MADD: variants seen among roughly 807,000 people sequenced by gnomAD.
MADD encodes MAP kinase activating death domain.
In MADD, 109 loss-of-function variants were observed where a neutral mutation model predicts 176.7. The observed-to-expected ratio is 0.62, with a 90% CI of 0.53 to 0.72. The LOEUF is 0.72. MADD is among the 30% of genes least tolerant of loss of function. The pLI is 0.00. For missense variants in MADD, 1,914 were observed against 2,045.5 expected (o/e 0.94, Z 1.24); for synonymous variants, 771 against 771.3 (o/e 1.00, Z 0.01).
chr11:47,295,512 C>CT lies in MADD; in HGVS notation c.3420dup (p.Val1141CysfsTer18). On this transcript the variant is annotated frameshift_variant, in exon 21 of 33. Transcript: ENST00000402192. LOFTEE classifies it high-confidence loss of function. ...TTGTTTCAGAGGACTGATCAAGACTCTGTCATCGGCGTGAGTCCAGCTGTT... is the reference window on the plus strand; with the variant it reads ...TTGTTTCAGAGGACTGATCAAGACTCTTGTCATCGGCGTGAGTCCAGCTGTT... 1 of 1,614,062 alleles carries CT rather than the reference C, an allele frequency of 6.2e-7. No individual in the cohort carries two copies. Among genetic ancestry groups the CT allele is most frequent in the South Asian group, 1.1e-5 (1 of 91,064 alleles).
At position 47,323,412 on chromosome 11, in the gene MADD, G is replaced by A. The variant is rs2094876265; in HGVS notation, c.4198-259G>A. Among the ~76,000 whole-genome samples the A allele has an allele frequency of 2.7e-5, 4 of 150,890 alleles. 1 individual carries two copies. In the South Asian group the frequency reaches 6.3e-4, roughly 24 times the overall value. On this transcript the variant is annotated intron_variant, in intron 27 of 32. Transcript: ENST00000402192. ...GACCCTGTCTCAAAAAAAAAAAAAA[G>A]AGGTAATAAATAACTGATTGATTTG...
At chr11:47,284,645 A>G in intron 12 of MADD, 80 bp downstream of exon 12, 2 of 1,503,960 alleles carry the variant, frequency 1.3e-6, no homozygotes, top group Non-Finnish European at 1.8e-6. Context: ...GGCTGTAGCT[A>G]TTCATTTGCT....
chr11:47,311,087 G>A (rs1421145573), intron 25 of MADD, among the ~76,000 whole-genome samples: 1 of 152,170 alleles, frequency 6.6e-6, no homozygotes, highest in Non-Finnish European at 1.5e-5. Context: ...AAGTAGAAGA[G>A]TTCTGCTCTG....
In MADD at chr11:47,285,709, C is replaced by T. The variant is rs1022637759; in HGVS notation, c.2551+119C>T. The T allele has an allele frequency of 2.5e-5, 34 of 1,384,424 alleles. 1 individual carries two copies. The South Asian group carries it at 3.7e-4, about 15-fold the overall frequency. The allele number at this position is 1,384,424 out of a possible 1,614,324, so 85.8% of individuals were successfully genotyped here. ...AGGGCTAGGTTGGCATTAGCAAGCC[C>T]TAATCCAGTCATTTGGGTGATACTG... On this transcript the variant is annotated intron_variant, in intron 14 of 32. Transcript: ENST00000402192.
intron 6 of MADD, among the ~76,000 whole-genome samples, chr11:47,278,556 G>T (rs1025887998): frequency 6.6e-6 from 1 of 152,116 alleles, no homozygotes; most frequent in Admixed American, 6.5e-5. Flanking sequence ...GTTGTGATCT[G>T]AGGGCCATTA....
intron 15 of MADD, 115 bp from the exon 16 acceptor site, chr11:47,288,853 G>A: frequency 1.3e-6 from 1 of 798,688 alleles, no homozygotes; most frequent in Non-Finnish European, 2.1e-6. Context: ...CCAAGGTTAT[G>A]TGCATTCCTC....
At chr11:47,322,156 AT>A (rs1283584496) in intron 27 of MADD, among the ~76,000 whole-genome samples, 2 of 152,158 alleles carry the variant, frequency 1.3e-5, no homozygotes, top group Admixed American at 1.3e-4. Context: ...TACTGTTACT[AT>A]CCCCATCTTA....
At chr11:47,328,929 G>T in intron 32 of MADD, 117 bp from the exon 37 acceptor site, 1 of 1,032,178 alleles carries the variant, frequency 9.7e-7, no homozygotes, top group Admixed American at 1.8e-5. Flanking sequence ...TGGAGCTCAC[G>T]TTTAGCCCAG....
At chr11:47,305,366 G>A (rs1049607373) in intron 22 of MADD, among the ~76,000 whole-genome samples, 2 of 152,124 alleles carry the variant, frequency 1.3e-5, no homozygotes, top group African/African-American at 2.4e-5. Context: ...ACAGAGCCAG[G>A]ATCTGAGGCA....
chr11:47,280,011 A>T (rs2054887692), intron 7 of MADD, among the ~76,000 whole-genome samples: 1 of 152,180 alleles, frequency 6.6e-6, no homozygotes, highest in African/African-American at 2.4e-5. Context: ...CAGAGGTTGC[A>T]GTGAGCCAAG....
Position 47,276,213 on chromosome 11 carries a change from A to G in MADD, c.963+11A>G. On this transcript the variant is annotated intron_variant, in intron 4 of 32. Transcript: ENST00000402192. The stretch of plus-strand genomic sequence containing the variant: ...CTGTTAGAGCACAAGGTGAGAGGCA[A>G]GCTTCCTAGACCTTTCTAGGGGAGA... The G allele has an allele frequency of 6.3e-7, 1 of 1,595,898 alleles. No homozygotes were observed. Among genetic ancestry groups the G allele is most frequent in the Non-Finnish European group, 8.6e-7 (1 of 1,168,374 alleles).
intron 22 of MADD, among the ~76,000 whole-genome samples, chr11:47,304,044 C>T (rs1469496910): frequency 1.3e-5 from 2 of 152,120 alleles, no homozygotes; most frequent in East Asian, 1.9e-4. Flanking sequence ...TTCCCCTTCT[C>T]TCTTTGGAAA....
At chr11:47,290,724 A>C in exon 19 of MADD, 2 of 1,614,160 alleles carry the variant, frequency 1.2e-6, no homozygotes, top group Non-Finnish European at 1.7e-6. Flanking sequence ...AGAGTTCCAC[A>C]ACTGGGACCT....
Position 47,324,916 on chromosome 11 carries a change from A to G in MADD, c.4542+339A>G, listed in dbSNP as rs1423134619. On this transcript the variant is annotated intron_variant, in intron 30 of 32. Coordinates refer to ENST00000402192, the Ensembl canonical transcript of MADD. ...AGTGTCTCTGCCTTCCTCTATTCCCAGGATATGCTTCTGCTTGGTGGTTTT... is the reference window on the plus strand; with the variant it reads ...AGTGTCTCTGCCTTCCTCTATTCCCGGGATATGCTTCTGCTTGGTGGTTTT... 4 of 600,056 alleles carry G rather than the reference A, an allele frequency of 6.7e-6. No individual in the cohort carries two copies. The East Asian group carries it at 8.3e-5, about 12-fold the overall frequency. The allele number at this position is 600,056 out of a possible 1,614,324, so 37.2% of individuals were successfully genotyped here. A position where few individuals can be genotyped will look rare whatever the true frequency, so the allele number is the denominator to read the frequency against.
chr11:47,326,256 T>C (rs2095449674), intron 30 of MADD, among the ~76,000 whole-genome samples: 1 of 152,242 alleles, frequency 6.6e-6, no homozygotes, highest in African/African-American at 2.4e-5. Flanking sequence ...ACATACCTCT[T>C]GGGAGATCCT....
intron 13 of MADD, 54 bp from the exon 14 acceptor site, chr11:47,285,397 T>C: frequency 1.2e-6 from 2 of 1,610,160 alleles, no homozygotes; most frequent in South Asian, 2.2e-5. Context: ...TGGCCCATAC[T>C]CCCAAGATCA....
At position 47,324,086 on chromosome 11, in the gene MADD, A is replaced by G. The variant is rs1345768852; in HGVS notation, c.4363-179A>G. ...TGCCTTCTTTAAAGCCATACTATTC[A>G]TATGCTCCGGATCTATCATTCATAA... On this transcript the variant is annotated intron_variant, in intron 28 of 32. Transcript: ENST00000402192. 10 of 652,604 alleles carry G rather than the reference A, an allele frequency of 1.5e-5. No homozygotes were observed. The Admixed American group carries it at 2.0e-4, about 13-fold the overall frequency. 40.4% of individuals were successfully genotyped at this position (652,604 alleles called of 1,614,324 possible).
exon 33 of MADD, chr11:47,329,331 C>T (rs1286749201): frequency 6.7e-6 from 4 of 598,550 alleles, no homozygotes; most frequent in South Asian, 3.9e-5. Flanking sequence ...TGAGCGTGTC[C>T]ACCTTCTCCC....
exon 13 of MADD, chr11:47,285,050 C>G: frequency 3.1e-6 from 5 of 1,614,146 alleles, no homozygotes; most frequent in Non-Finnish European, 4.2e-6. Flanking sequence ...AGACGTCAGG[C>G]AGAAATTGGA....
Sources: gnomAD v4.1 joint callset for allele counts (sites outside exome capture counted in the v4.1 genomes callset) on GRCh38, gnomAD v4.1.1 for gene constraint, MANE v1.5 for transcripts, NCBI Gene and HGNC (gene_info 2026-07-23, HGNC 2026-07-21) for gene names.